ZFAT: variants seen among roughly 807,000 people sequenced by gnomAD.
ZFAT encodes zinc finger and AT-hook domain containing.
In ZFAT, 64 loss-of-function variants were observed where a neutral mutation model predicts 117.7. That is an observed-to-expected ratio of 0.54 (90% confidence interval 0.44 to 0.67). ZFAT has a LOEUF of 0.67. ZFAT is among the 30% of genes least tolerant of loss of function. ZFAT has a pLI of 0.00. For missense variants in ZFAT, 1,433 were observed against 1,584.5 expected (o/e 0.90, Z 1.62); for synonymous variants, 679 against 615.0 (o/e 1.10, Z -1.54).
chr8:134,602,964 G>A (rs1827625390), intron 5 of ZFAT, 31 bp from the exon 6 acceptor site: 2 of 1,572,200 alleles, frequency 1.3e-6, no homozygotes, highest in Admixed American at 1.8e-5. Context: ...GGTTACATCT[G>A]GAGACCTTGA....
chr8:134,558,045 G>A (rs76676701), intron 11 of ZFAT, among the ~76,000 whole-genome samples: 2,988 of 152,316 alleles, frequency 0.02, 110 homozygotes, highest in African/African-American at 0.068. Flanking sequence ...AAGGATCCTC[G>A]GTTGGGCTCT....
At chr8:134,604,711 T>A (rs1827754333) in intron 5 of ZFAT, among the ~76,000 whole-genome samples, 1 of 152,258 alleles carries the variant, frequency 6.6e-6, no homozygotes, top group East Asian at 1.9e-4. Flanking sequence ...GCCTTGTCTT[T>A]AAATTTAAAA....
chr8:134,708,991 A>T (rs1813889333), intron 1 of ZFAT, among the ~76,000 whole-genome samples: 1 of 152,092 alleles, frequency 6.6e-6, no homozygotes, highest in Admixed American at 6.6e-5. Context: ...TGACTTATTT[A>T]AAAAAAATTA....
chr8:134,600,767 C>G lies in ZFAT; in HGVS notation c.2243-99G>C, dbSNP rs1485431222. On this transcript the variant is annotated intron_variant, in intron 6 of 15. Coordinates refer to ENST00000377838, the MANE Select transcript of ZFAT (RefSeq NM_020863.4). ...TTTTTTATCTACAATATCTATCTCC[C>G]TCTTGCGCTTGTCCGGGTCACCCTT... 7.1e-6 allele frequency: 7 copies of G among 980,176 alleles called. No individual in the cohort carries two copies. The African/African-American group carries it at 9.9e-5, about 14-fold the overall frequency. 60.7% of individuals were successfully genotyped at this position (980,176 alleles called of 1,614,324 possible). A position where few individuals can be genotyped will look rare whatever the true frequency, so the allele number is the denominator to read the frequency against.
At position 134,532,898 on chromosome 8, in the gene ZFAT, G is replaced by T. The variant is rs1299393288; in HGVS notation, c.3051C>A (p.His1017Gln). Residue 1017 changes from histidine (H) to glutamine (Q), a missense_variant, in exon 12 of 16, where the codon CAC (histidine) becomes CAA (glutamine). Around this residue, in one of 5 missense-constraint regions of ZFAT, gnomAD observed 503 missense variants for 543.4 expected, o/e 0.93. Transcript: ENST00000377838. Reference protein sequence around the residue: ...GSLKRHYNRKHPNEEYANVGT... With the variant: ...GSLKRHYNRKQPNEEYANVGT... ...CCACGTTGGCATACTCCTCATTAGGGTGCTTCCTGTTGTAGTGCCGCTTCA... is the reference window on the plus strand; with the variant it reads ...CCACGTTGGCATACTCCTCATTAGGTTGCTTCCTGTTGTAGTGCCGCTTCA... The T allele has an allele frequency of 6.2e-7, 1 of 1,609,510 alleles. No homozygotes were observed.
chr8:134,611,537 G>C (rs896494163), intron 3 of ZFAT, among the ~76,000 whole-genome samples: 1 of 152,200 alleles, frequency 6.6e-6, no homozygotes, highest in Non-Finnish European at 1.5e-5. Context: ...GGAATCGGGG[G>C]TGAAACATCA....
At chr8:134,720,441 AG>A in the ZFAT span, among the ~76,000 whole-genome samples, 1 of 152,250 alleles carries the variant, frequency 6.6e-6, no homozygotes, top group Non-Finnish European at 1.5e-5. Context: ...CAGAAGCAAA[AG>A]GGGAATGAGA....
At chr8:134,646,617 T>C (rs997368195) in intron 2 of ZFAT, among the ~76,000 whole-genome samples, 1 of 151,880 alleles carries the variant, frequency 6.6e-6, no homozygotes. Flanking sequence ...TAAGAGCTTG[T>C]TGTTTGAAAA....
At chr8:134,729,532 A>G in the ZFAT span, among the ~76,000 whole-genome samples, 13 of 152,094 alleles carry the variant, frequency 8.5e-5, no homozygotes, top group African/African-American at 3.1e-4. Flanking sequence ...ATGGGGTTTC[A>G]CCGTGTTAGC....
chr8:134,794,058 T>C, the ZFAT span: 1 of 152,236 alleles, frequency 6.6e-6, no homozygotes, highest in African/African-American at 2.4e-5. Context: ...GCCTGTTGTA[T>C]GATCGCTTTT....
intron 1 of ZFAT, among the ~76,000 whole-genome samples, chr8:134,692,048 G>T (rs1231922164): frequency 6.6e-6 from 1 of 152,062 alleles, no homozygotes; most frequent in Non-Finnish European, 1.5e-5. Flanking sequence ...TAGAGACAGG[G>T]TTTCTCCATG....
At chr8:134,705,564 C>T (rs1834129411) in intron 1 of ZFAT, among the ~76,000 whole-genome samples, 1 of 151,614 alleles carries the variant, frequency 6.6e-6, no homozygotes, top group Admixed American at 6.6e-5. Flanking sequence ...AAGTCTCACT[C>T]TGTTGCCCAG....
At chr8:134,683,747 G>A (rs1358371783) in intron 1 of ZFAT, among the ~76,000 whole-genome samples, 3 of 152,004 alleles carry the variant, frequency 2.0e-5, no homozygotes, top group Admixed American at 6.6e-5. Context: ...CTCCTGCCCC[G>A]CAAGCAGGAG....
At chr8:134,507,996 G>T (rs1819537355) in intron 15 of ZFAT, among the ~76,000 whole-genome samples, 1 of 152,118 alleles carries the variant, frequency 6.6e-6, no homozygotes, top group South Asian at 2.1e-4. Flanking sequence ...AGCTAAAAAG[G>T]TACTTAGCCT....
At position 134,590,053 on chromosome 8, in the gene ZFAT, G is replaced by A. The variant is rs984008397; in HGVS notation, c.2563+215C>T. 5.3e-5 allele frequency among the ~76,000 whole-genome samples: 8 copies of A among 152,208 alleles called. No individual in the cohort carries two copies. The East Asian group carries it at 1.5e-3, about 29-fold the overall frequency. ...GGTATCACTGAAATTGCAGGGGTGA[G>A]GGTTGATGCATCTGAAGACCAGATA... On this transcript the variant is annotated intron_variant, in intron 8 of 15. Coordinates refer to ENST00000377838, the MANE Select transcript of ZFAT (RefSeq NM_020863.4).
the ZFAT span, among the ~76,000 whole-genome samples, chr8:134,816,046 G>A: frequency 6.6e-6 from 1 of 152,136 alleles, no homozygotes; most frequent in South Asian, 2.1e-4. Context: ...TATAGTGAGT[G>A]TCAAATATTT....
At chr8:134,672,278 A>G (rs1310985286) in intron 1 of ZFAT, among the ~76,000 whole-genome samples, 3 of 152,212 alleles carry the variant, frequency 2.0e-5, no homozygotes, top group African/African-American at 7.2e-5. Flanking sequence ...TGGAACCAAA[A>G]AAGAGCCCAC....
intron 3 of ZFAT, among the ~76,000 whole-genome samples, chr8:134,619,901 A>C (rs1449055009): frequency 1.3e-5 from 2 of 152,126 alleles, no homozygotes; most frequent in East Asian, 3.8e-4. Context: ...CATCACATTG[A>C]AGTCCAGCAG....
At chr8:134,582,347 G>A (rs368570517) in intron 10 of ZFAT, among the ~76,000 whole-genome samples, 2 of 152,182 alleles carry the variant, frequency 1.3e-5, no homozygotes, top group Non-Finnish European at 2.9e-5. Context: ...CCCTGTCACC[G>A]TGGCCTACTG....
Sources: gnomAD v4.1 joint callset for allele counts (sites outside exome capture counted in the v4.1 genomes callset) on GRCh38, gnomAD v4.1.1 for gene constraint, gnomAD v4.1.1 regional missense constraint, MANE v1.5 for transcripts, NCBI Gene and HGNC (gene_info 2026-07-23, HGNC 2026-07-21) for gene names.